Variants in TBC1D20 observed in about 807,000 individuals in gnomAD.
TBC1D20 encodes chromosome 20 open reading frame 140.
In TBC1D20, 12 loss-of-function variants were observed where a neutral mutation model predicts 41.6. The observed-to-expected ratio is 0.29, with a 90% confidence interval of 0.18 to 0.47. The LOEUF is 0.47. TBC1D20 is among the 20% of genes least tolerant of loss of function. TBC1D20 has a pLI of 1.00. For synonymous variants in TBC1D20, 205 were observed against 204.8 expected, an observed-to-expected ratio of 1.00 and a Z score of -0.01; for missense variants, 421 against 517.4, an observed-to-expected ratio of 0.81 and a Z score of 1.81.
chr20:444,058 G>A (rs2017286533), intron 3 of TBC1D20, among the ~76,000 whole-genome samples: 2 of 152,000 alleles, frequency 1.3e-5, no homozygotes, highest in South Asian at 4.1e-4. Flanking sequence ...CTGAACCTGG[G>A]AGGCGGAGGT....
chr20:461,190 C>A (rs1202957195), intron 1 of TBC1D20, among the ~76,000 whole-genome samples: 1 of 152,096 alleles, frequency 6.6e-6, no homozygotes, highest in African/African-American at 2.4e-5. Flanking sequence ...CCTTAGTCTT[C>A]CTCAAGGAAA....
chr20:438,393 G>C lies in TBC1D20; in HGVS notation c.*193C>G, dbSNP rs2017157830. 7 of 630,732 alleles carry C rather than the reference G, an allele frequency of 1.1e-5. No individual in the cohort carries two copies. The East Asian group carries it at 1.9e-4, about 17-fold the overall frequency. 39.1% of individuals were successfully genotyped at this position (630,732 alleles called of 1,614,324 possible). A position where few individuals can be genotyped will look rare whatever the true frequency, so the allele number is the denominator to read the frequency against. Reference sequence around the variant, plus strand: ...CATAAGATTCTGTGCCAGGCCCCCAGGTCCCCTCTGTGTCAGGTAGGCTCT... The same window carrying C: ...CATAAGATTCTGTGCCAGGCCCCCACGTCCCCTCTGTGTCAGGTAGGCTCT... On this transcript the variant is annotated 3_prime_UTR_variant, in exon 8 of 8. Transcript: ENST00000354200.
intron 1 of TBC1D20, among the ~76,000 whole-genome samples, chr20:449,285 TAAAAAAAA>T (rs1169245536): frequency 1.8e-5 from 1 of 56,940 alleles, no homozygotes; most frequent in African/African-American, 9.2e-5. Context: ...CCCAATACAT[TAAAAAAAA>T]AAAAAAAAAA....
At chr20:456,966 C>G (rs2017551625) in intron 1 of TBC1D20, among the ~76,000 whole-genome samples, 1 of 131,924 alleles carries the variant, frequency 7.6e-6, no homozygotes, top group African/African-American at 2.9e-5. Flanking sequence ...GACAGAGTTT[C>G]ACTCTTGTTG....
chr20:447,123 ATTT>A (rs752849594), intron 2 of TBC1D20, among the ~76,000 whole-genome samples: 6 of 107,272 alleles, frequency 5.6e-5, no homozygotes, highest in Admixed American at 2.0e-4. Flanking sequence ...TAATGTTCGT[ATTT>A]TTTTTTTTTT....
Position 440,325 on chromosome 20 carries a change from C to T in TBC1D20, c.691G>A (p.Asp231Asn), listed in dbSNP as rs2017204061. The T allele has an allele frequency of 6.2e-7, 1 of 1,614,120 alleles. No homozygotes were observed. The highest frequency in any genetic ancestry group is 1.3e-5 in the African/African-American group (1 of 75,012). ...TATAACCGCACGACGTGCCTGAAGT[C>T]AGACAGGACATGCCCAAACCAGGTG... ...LITWFGHVLS[D>N]FRHVVRLYDF... is the part of the protein sequence containing the mutation. Residue 231 changes from aspartate to asparagine, a missense_variant, in exon 6 of 8, where the codon GAC becomes AAC. Asp to Asn is a conservative substitution (Grantham distance 23, BLOSUM62 1). Around this residue, in one of 3 missense-constraint regions of TBC1D20, gnomAD observed 110 missense variants for 183.5 expected, o/e 0.60. Coordinates refer to ENST00000354200, the MANE Select transcript of TBC1D20 (RefSeq NM_144628.4).
Position 462,328 on chromosome 20 carries a change from T to A in TBC1D20, c.70+8A>T. On this transcript the variant is annotated splice_region_variant and intron_variant, in intron 1 of 7. Transcript: ENST00000354200. Reference sequence around the variant, plus strand: ...GGCCGCTCCCGGCGCCCCGGTCGGCTTCCGTACCTGCCTTCTCCGCGCCGC... The same window carrying A: ...GGCCGCTCCCGGCGCCCCGGTCGGCATCCGTACCTGCCTTCTCCGCGCCGC... The A allele has an allele frequency of 7.7e-7, 1 of 1,297,048 alleles. No individual in the cohort carries two copies. The allele number at this position is 1,297,048 out of a possible 1,614,324, so 80.3% of individuals were successfully genotyped here.
intron 7 of TBC1D20, 30 bp from the exon 8 acceptor site, chr20:438,871 G>T: frequency 1.2e-6 from 2 of 1,608,386 alleles, no homozygotes; most frequent in Non-Finnish European, 1.7e-6. Flanking sequence ...AAGGAAGGAA[G>T]TGGTATGAAA....
At chr20:448,456 C>T (rs1321720055) in intron 1 of TBC1D20, among the ~76,000 whole-genome samples, 4 of 151,906 alleles carry the variant, frequency 2.6e-5, no homozygotes, top group South Asian at 4.1e-4. Context: ...TTTGGGAGGC[C>T]GAGGTGGGCG....
rs1343833741 is a variant in TBC1D20 at position 441,591 on chromosome 20, T to C, written c.623A>G (p.Gln208Arg). The C allele has an allele frequency of 3.1e-6, 5 of 1,613,840 alleles. No homozygotes were observed. The South Asian group carries it at 5.5e-5, about 18-fold the overall frequency. Residue 208 changes from glutamine (Q) to arginine (R), a missense_variant, in exon 5 of 8, where the codon CAG becomes CGG. Coordinates refer to ENST00000354200, the MANE Select transcript of TBC1D20 (RefSeq NM_144628.4). ...AGAAATGCAGACACATATGTACCTC[T>C]GCATGAAGTCATGGAGCTCTGGATT... Reference protein sequence around the residue: ...QVNPELHDFMQSAEVGTIFAL... With the variant: ...QVNPELHDFMRSAEVGTIFAL...
At position 436,608 on chromosome 20, in the gene TBC1D20, G is replaced by A. The variant is rs1440445275; in HGVS notation, c.*1978C>T. Reference sequence around the variant, plus strand: ...AGTACTTGTGGAAGGAGGGGCAGCTGGTGCCGCCCACTGAGAGGATGACAA... The same window carrying A: ...AGTACTTGTGGAAGGAGGGGCAGCTAGTGCCGCCCACTGAGAGGATGACAA... On this transcript the variant is annotated 3_prime_UTR_variant, in exon 8 of 8. Coordinates refer to ENST00000354200, the MANE Select transcript of TBC1D20 (RefSeq NM_144628.4). The A allele has an allele frequency of 2.6e-5, 4 of 153,690 alleles. No homozygotes were observed. Among genetic ancestry groups the A allele is most frequent in the Non-Finnish European group, 4.4e-5 (3 of 68,046 alleles). The allele number at this position is 153,690 out of a possible 1,614,324, so 9.5% of individuals were successfully genotyped here.
intron 1 of TBC1D20, among the ~76,000 whole-genome samples, chr20:452,381 T>C (rs2017461287): frequency 6.6e-6 from 1 of 152,182 alleles, no homozygotes; most frequent in Non-Finnish European, 1.5e-5. Context: ...GTAATCCCAG[T>C]GCTGTGGAGG....
intron 3 of TBC1D20, among the ~76,000 whole-genome samples, chr20:442,798 G>A (rs2017262944): frequency 6.6e-6 from 1 of 152,128 alleles, no homozygotes; most frequent in Non-Finnish European, 1.5e-5. Context: ...ACAGAAAGCA[G>A]CTAAAAAAGC....
Position 438,952 on chromosome 20 carries a change from A to ATC in TBC1D20, c.957-112_957-111insGA, listed in dbSNP as rs527708204. 5.1e-3 allele frequency: 7,606 copies of ATC among 1,494,432 alleles called. 32 individuals are homozygous for ATC. Among genetic ancestry groups the ATC allele is most frequent in the Non-Finnish European group, 6.2e-3 (6,894 of 1,106,096 alleles). The allele number at this position is 1,494,432 out of a possible 1,614,324, so 92.6% of individuals were successfully genotyped here. The stretch of plus-strand genomic sequence containing the variant: ...CCTTTCATTGCTGGGAAAGCTCTTT[A>ATC]TGATAAAGACCCATATGTCTACAGT... On this transcript the variant is annotated intron_variant, in intron 7 of 7. Transcript: ENST00000354200.
In TBC1D20 at chr20:436,688, TG is replaced by T. The variant is rs1286448596; in HGVS notation, c.*1897del. 1 of 153,764 alleles carries T rather than the reference TG, an allele frequency of 6.5e-6. No homozygotes were observed. Among genetic ancestry groups the T allele is most frequent in the African/African-American group, 2.4e-5 (1 of 41,440 alleles). 9.5% of individuals were successfully genotyped at this position (153,764 alleles called of 1,614,324 possible). A position where few individuals can be genotyped will look rare whatever the true frequency, so the allele number is the denominator to read the frequency against. On this transcript the variant is annotated 3_prime_UTR_variant, in exon 8 of 8. Transcript: ENST00000354200. ...GGAATATCTGCCGCATCATCACCTC[TG>T]GAAGAATTTCCTTTGCCCTGATGAA...
At chr20:448,459 G>A (rs1366499181) in intron 1 of TBC1D20, among the ~76,000 whole-genome samples, 1 of 152,096 alleles carries the variant, frequency 6.6e-6, no homozygotes, top group Non-Finnish European at 1.5e-5. Context: ...GGGAGGCCGA[G>A]GTGGGCGGAT....
Position 436,602 on chromosome 20 carries a change from G to T in TBC1D20, c.*1984C>A, listed in dbSNP as rs886521970. ...GGCTTGAGTACTTGTGGAAGGAGGG[G>T]CAGCTGGTGCCGCCCACTGAGAGGA... On this transcript the variant is annotated 3_prime_UTR_variant, in exon 8 of 8. Transcript: ENST00000354200. 6.5e-6 allele frequency: 1 copy of T among 153,726 alleles called. No individual in the cohort carries two copies. The highest frequency in any genetic ancestry group is 6.5e-5 in the Admixed American group (1 of 15,280). The allele number at this position is 153,726 out of a possible 1,614,324, so 9.5% of individuals were successfully genotyped here. A position where few individuals can be genotyped will look rare whatever the true frequency, so the allele number is the denominator to read the frequency against.
chr20:448,123 A>G, intron 1 of TBC1D20, 49 bp from the exon 2 acceptor site: 1 of 1,399,628 alleles, frequency 7.1e-7, no homozygotes. Context: ...GCACGTGCAT[A>G]TTTTCTGCCT....
Position 435,985 on chromosome 20 carries a change from CATT to C in TBC1D20, c.*2598_*2600del, listed in dbSNP as rs1229988487. On this transcript the variant is annotated 3_prime_UTR_variant, in exon 8 of 8. Coordinates refer to ENST00000354200, the MANE Select transcript of TBC1D20 (RefSeq NM_144628.4). ...TTTTCTGAGGCCTGCAGTGTCCCAA[CATT>C]ATAACAAAGGGTTATGGGAGTGATG... 1.3e-5 allele frequency: 2 copies of C among 152,280 alleles called. No homozygotes were observed. Among genetic ancestry groups the C allele is most frequent in the Non-Finnish European group, 2.9e-5 (2 of 68,100 alleles). The allele number at this position is 152,280 out of a possible 1,614,324, so 9.4% of individuals were successfully genotyped here.
Sources: allele counts gnomAD v4.1 joint callset (sites outside exome capture counted in the v4.1 genomes callset), GRCh38; gene constraint gnomAD v4.1.1; regional missense constraint gnomAD v4.1.1; transcripts MANE v1.5; gene names NCBI Gene and HGNC (gene_info 2026-07-23, HGNC 2026-07-21).